AKAP13: variants seen among roughly 807,000 people sequenced by gnomAD.
The protein encoded by AKAP13 is A-kinase anchor protein 13.
In AKAP13, 80 loss-of-function variants were observed where a neutral mutation model predicts 264.5. The ratio of observed to expected loss-of-function variants is 0.30; its 90% CI spans 0.25 to 0.36. The LOEUF (loss-of-function observed/expected upper bound fraction) is 0.36. AKAP13 is among the 10% of genes least tolerant of loss of function. The pLI, the probability that AKAP13 is intolerant of heterozygous loss-of-function variation, is 1.00. For synonymous variants in AKAP13, 1,380 were observed against 1,250.2 expected (o/e 1.10, Z -2.19); for missense variants, 3,712 against 3,435.2 (o/e 1.08, Z -2.01).
At chr15:85,543,652 C>G (rs538566199) in intron 4 of AKAP13, 120 bp from the exon 5 acceptor site, 1 of 1,170,684 alleles carries the variant, frequency 8.5e-7, no homozygotes, top group African/African-American at 1.6e-5. Flanking sequence ...TATGTTGTAG[C>G]TTAACTTTAC....
intron 1 of AKAP13, among the ~76,000 whole-genome samples, chr15:85,451,336 G>C (rs2074082368): frequency 1.3e-5 from 2 of 152,122 alleles, no homozygotes; most frequent in Admixed American, 1.3e-4. Flanking sequence ...TTGCCACTTT[G>C]TGCCTTTTAA....
intron 8 of AKAP13, among the ~76,000 whole-genome samples, chr15:85,610,243 G>A (rs1368714020): frequency 6.6e-6 from 1 of 152,154 alleles, no homozygotes; most frequent in Non-Finnish European, 1.5e-5. Context: ...ATGGAATGAA[G>A]TTTGTTCTTA....
chr15:85,411,500 C>T (rs941010002), intron 1 of AKAP13, among the ~76,000 whole-genome samples: 11 of 152,078 alleles, frequency 7.2e-5, no homozygotes, highest in African/African-American at 2.2e-4. Flanking sequence ...TGTAGTGGCA[C>T]GATCTCGGCT....
chr15:85,579,933 T>G lies in AKAP13; in HGVS notation c.1865T>G (p.Leu622Arg). The change falls in exon 7 of 37, where the codon CTT becomes CGT. Residue 622 changes from leucine to arginine, a missense_variant. Physicochemically the swap from Leu to Arg is moderately radical, Grantham distance 102. Around this residue, in one of 3 missense-constraint regions of AKAP13, gnomAD observed 2,759 missense variants for 2,411.7 expected, o/e 1.14. Transcript: ENST00000394518. ...GCAATGTCACCCTCAGATTTAGCCCTTCTTGGGCTGGAAGAAGATGTAATG... is the reference window on the plus strand; with the variant it reads ...GCAATGTCACCCTCAGATTTAGCCCGTCTTGGGCTGGAAGAAGATGTAATG... ...GEAMSPSDLALLGLEEDVMPH... is the reference protein window; with the variant it reads ...GEAMSPSDLARLGLEEDVMPH... The G allele has an allele frequency of 6.2e-7, 1 of 1,614,212 alleles. No individual in the cohort carries two copies. Among genetic ancestry groups the G allele is most frequent in the African/African-American group, 1.3e-5 (1 of 75,046 alleles).
At position 85,735,036 on chromosome 15, in the gene AKAP13, C is replaced by T. The variant is rs1299236478; in HGVS notation, c.7327C>T (p.Leu2443Phe). ...GLVSGNLGGT[L>F]GPTVSSPIEQ... ...GGTGAGTGGAAATCTGGGAGGCACACTTGGGCCGACTGTCAGCAGCCCCAT... is the reference window on the plus strand; with the variant it reads ...GGTGAGTGGAAATCTGGGAGGCACATTTGGGCCGACTGTCAGCAGCCCCAT... The change falls in exon 31 of 37, where the codon CTT becomes TTT. Residue 2443 changes from leucine (L) to phenylalanine (F), a missense_variant. This residue lies in a region of AKAP13 where 611 missense variants were observed against 539.3 expected (regional missense o/e 1.13). Transcript: ENST00000394518. The T allele has an allele frequency of 1.9e-6, 3 of 1,614,126 alleles. No homozygotes were observed. Among genetic ancestry groups the T allele is most frequent in the Non-Finnish European group, 2.5e-6 (3 of 1,180,046 alleles).
At chr15:85,451,663 G>T (rs996924312) in intron 1 of AKAP13, among the ~76,000 whole-genome samples, 36 of 151,128 alleles carry the variant, frequency 2.4e-4, no homozygotes, top group African/African-American at 8.5e-4. Context: ...AATTCTTGAA[G>T]ATTTTTTTAA....
Position 85,741,414 on chromosome 15 carries a change from A to G in AKAP13, c.7977A>G (p.Lys2659=), listed in dbSNP as rs116277739. Residue 2659 remains lysine, a synonymous_variant, in exon 35 of 37, where the codon AAA becomes AAG. Coordinates refer to ENST00000394518, the MANE Select transcript of AKAP13 (RefSeq NM_007200.5). ...YDLERLRAAQ[K]QLEREQEQLR... ...TGGAGCGACTGCGTGCTGCCCAGAA[A>G]CAGCTTGAGAGGGAACAGGAGCAGC... 2.5e-5 allele frequency: 40 copies of G among 1,613,480 alleles called. 1 individual carries two copies. The East Asian group carries it at 8.9e-4, about 36-fold the overall frequency.
At chr15:85,613,697 T>C (rs371868738) in intron 8 of AKAP13, among the ~76,000 whole-genome samples, 1 of 101,498 alleles carries the variant, frequency 9.9e-6, no homozygotes, top group African/African-American at 3.1e-5. Context: ...AAAAAATATA[T>C]ATATATATAT....
intron 1 of AKAP13, among the ~76,000 whole-genome samples, chr15:85,397,767 A>G (rs893016303): frequency 6.6e-6 from 1 of 152,244 alleles, no homozygotes; most frequent in Non-Finnish European, 1.5e-5. Context: ...CAGGCACACT[A>G]CTGGGCACCA....
At chr15:85,489,731 A>C (rs1456121226) in intron 2 of AKAP13, among the ~76,000 whole-genome samples, 1 of 152,252 alleles carries the variant, frequency 6.6e-6, no homozygotes, top group Non-Finnish European at 1.5e-5. Context: ...ACTCCAAATA[A>C]ATATTTTAAT....
rs202054216 is a variant in AKAP13, at chr15:85,724,835, AAAG to A, written c.6745+1519_6745+1521del. 0.012 allele frequency among the ~76,000 whole-genome samples: 1,859 copies of A among 152,182 alleles called. 14 individuals are homozygous for A. The highest frequency in any genetic ancestry group is 0.019 in the Non-Finnish European group (1,322 of 68,004). On this transcript the variant is annotated intron_variant, in intron 26 of 36. Transcript: ENST00000394518. This position sits in a 1 kb window ranked among gnomAD's most constrained non-coding sequence, Gnocchi z 4.2. ...CCTGCATTGTAGCAGAAGGCATAAAAAAGAAGGGCAGAAAAGATTCAGAGAAAG... is the reference window on the plus strand; with the variant it reads ...CCTGCATTGTAGCAGAAGGCATAAAAAAGGGCAGAAAAGATTCAGAGAAAG...
intron 12 of AKAP13, among the ~76,000 whole-genome samples, chr15:85,659,839 G>T (rs1028383984): frequency 2.0e-5 from 3 of 152,090 alleles, no homozygotes; most frequent in Admixed American, 6.6e-5. Flanking sequence ...CATTACAACA[G>T]GTATTATAAG....
intron 1 of AKAP13, among the ~76,000 whole-genome samples, chr15:85,457,272 C>A (rs4407021): frequency 6.6e-6 from 1 of 151,978 alleles, no homozygotes; most frequent in Non-Finnish European, 1.5e-5. Context: ...GAGGGCCTAC[C>A]GTAATATATC....
At chr15:85,444,898 C>A (rs866212134) in intron 1 of AKAP13, among the ~76,000 whole-genome samples, 2 of 152,128 alleles carry the variant, frequency 1.3e-5, no homozygotes, top group Admixed American at 6.6e-5. Flanking sequence ...TCATATGGTA[C>A]AATCATCATA....
chr15:85,412,715 C>T (rs868543488), intron 1 of AKAP13, among the ~76,000 whole-genome samples: 2 of 152,152 alleles, frequency 1.3e-5, no homozygotes, highest in Admixed American at 6.5e-5. Context: ...TTATAGCTTA[C>T]AATGGATTGA....
At chr15:85,633,735 G>A (rs1040704163) in intron 8 of AKAP13, among the ~76,000 whole-genome samples, 115 of 151,482 alleles carry the variant, frequency 7.6e-4, no homozygotes, top group South Asian at 1.0e-3. Flanking sequence ...TAGTAGAGAC[G>A]GGGTTTCACT....
chr15:85,645,928 G>T lies in AKAP13; in HGVS notation c.4348G>T (p.Asp1450Tyr). 6.2e-7 allele frequency: 1 copy of T among 1,613,788 alleles called. No individual in the cohort carries two copies. Among genetic ancestry groups the T allele is most frequent in the Non-Finnish European group, 8.5e-7 (1 of 1,179,980 alleles). ...TGACCTCTTTCACTCACCCAGTGATGACATGGACAGCATCATCTTCCCAAA... is the reference window on the plus strand; with the variant it reads ...TGACCTCTTTCACTCACCCAGTGATTACATGGACAGCATCATCTTCCCAAA... Reference protein sequence around the residue: ...DSDLFHSPSDDMDSIIFPKPE... With the variant: ...DSDLFHSPSDYMDSIIFPKPE... The change falls in exon 10 of 37, where the codon GAC (aspartate) becomes TAC (tyrosine). Residue 1450 changes from aspartate (D) to tyrosine (Y), a missense_variant. Asp to Tyr is a radical substitution (Grantham distance 160, BLOSUM62 -3). Coordinates refer to ENST00000394518, the MANE Select transcript of AKAP13 (RefSeq NM_007200.5).
chr15:85,633,812 G>A (rs1439484371), intron 8 of AKAP13, among the ~76,000 whole-genome samples: 1 of 151,768 alleles, frequency 6.6e-6, no homozygotes, highest in African/African-American at 2.4e-5. Context: ...CCAAAGTGCT[G>A]GGATTACAGG....
Position 85,669,768 on chromosome 15 carries a change from C to T in AKAP13, c.5039C>T (p.Ala1680Val). The T allele has an allele frequency of 1.2e-6, 2 of 1,613,724 alleles. No individual in the cohort carries two copies. Among genetic ancestry groups the T allele is most frequent in the Non-Finnish European group, 1.7e-6 (2 of 1,179,710 alleles). ...CAGGGATTTAATTACTGTACATCAGCCATTTCCTCTCCATTGACAAAATCC... is the reference window on the plus strand; with the variant it reads ...CAGGGATTTAATTACTGTACATCAGTCATTTCCTCTCCATTGACAAAATCC... ...KQQGFNYCTS[A>V]ISSPLTKSIS... Residue 1680 changes from alanine (A) to valine (V), a missense_variant, in exon 14 of 37, where the codon GCC becomes GTC. Physicochemically the swap from Ala to Val is moderately conservative, Grantham distance 64. Transcript: ENST00000394518.
Sources: allele counts gnomAD v4.1 joint callset (sites outside exome capture counted in the v4.1 genomes callset), GRCh38; gene constraint gnomAD v4.1.1; regional missense constraint gnomAD v4.1.1; non-coding constraint Gnocchi (gnomAD v3.1); transcripts MANE v1.5; gene names NCBI Gene and HGNC (gene_info 2026-07-23, HGNC 2026-07-21).